The following SIK3 variants were observed in gnomAD, a reference collection of about 807,000 sequenced individuals.
SIK3 encodes the protein serine/threonine-protein kinase SIK3.
SIK3 carries 28 observed loss-of-function variants against 144.2 expected under a neutral mutation model. The observed-to-expected ratio is 0.19, with a 90% CI of 0.14 to 0.27. SIK3 has a LOEUF of 0.27. Ranked by LOEUF, SIK3 falls within the 10% of genes least tolerant of loss-of-function variation. SIK3 has a pLI of 1.00. For missense variants in SIK3, 1,319 were observed against 1,776.0 expected (o/e 0.74, Z 4.62); for synonymous variants, 686 against 676.3 (o/e 1.01, Z -0.22).
chr11:117,004,449 G>C (rs1950969548), intron 1 of SIK3, among the ~76,000 whole-genome samples: 1 of 152,090 alleles, frequency 6.6e-6, no homozygotes, highest in African/African-American at 2.4e-5. Flanking sequence ...CCAGAAGGTC[G>C]AGGCTGCAGT....
chr11:117,035,610 A>C (rs1952458788), intron 1 of SIK3, among the ~76,000 whole-genome samples: 1 of 152,226 alleles, frequency 6.6e-6, no homozygotes, highest in African/African-American at 2.4e-5. Flanking sequence ...GCTGGAATGC[A>C]GTGATGTGAT....
chr11:116,981,702 C>CTT (rs568501961), intron 1 of SIK3, among the ~76,000 whole-genome samples: 6 of 152,128 alleles, frequency 3.9e-5, no homozygotes, highest in Non-Finnish European at 7.3e-5. Flanking sequence ...TATTAAAAGT[C>CTT]TTTAAGGCCT....
At chr11:117,037,237 T>C (rs1248934589) in intron 1 of SIK3, among the ~76,000 whole-genome samples, 1 of 152,164 alleles carries the variant, frequency 6.6e-6, no homozygotes, top group African/African-American at 2.4e-5. Flanking sequence ...ATCTAAAAGA[T>C]TCTGAGAGTT....
At position 116,882,377 on chromosome 11, in the gene SIK3, C is replaced by T. The variant is rs151139277; in HGVS notation, c.866-5335G>A. The stretch of plus-strand genomic sequence containing the variant: ...GGAAGGCTTGAAACAGAAGGCTTCC[C>T]GAATCAAGGATCAAAGATAAGAGGA... On this transcript the variant is annotated intron_variant, in intron 6 of 24. Coordinates refer to ENST00000445177, the MANE Select transcript of SIK3 (RefSeq NM_001366686.3). Among the ~76,000 whole-genome samples the T allele has an allele frequency of 3.9e-4, 60 of 152,080 alleles. No homozygotes were observed. In the East Asian group the frequency reaches 0.011, roughly 27 times the overall value.
chr11:116,857,727 T>TA (rs1565366079), intron 21 of SIK3, 83 bp downstream of exon 21: 3 of 1,516,272 alleles, frequency 2.0e-6, no homozygotes, highest in Non-Finnish European at 2.6e-6. Flanking sequence ...GAACACAGAA[T>TA]ACTAGCTGAA....
intron 20 of SIK3, 56 bp downstream of exon 20, chr11:116,859,209 C>T: frequency 6.6e-7 from 1 of 1,510,610 alleles, no homozygotes; most frequent in South Asian, 1.3e-5. Context: ...TGCTAAGGGG[C>T]TTCCTCCCAC....
chr11:116,952,996 A>G (rs375940102), intron 3 of SIK3, among the ~76,000 whole-genome samples: 1 of 152,290 alleles, frequency 6.6e-6, no homozygotes, highest in East Asian at 1.9e-4. Flanking sequence ...AATTAAATAT[A>G]AAATTAAGAA....
At chr11:116,961,256 C>A (rs1313604065) in intron 1 of SIK3, among the ~76,000 whole-genome samples, 2 of 152,210 alleles carry the variant, frequency 1.3e-5, no homozygotes, top group Admixed American at 6.5e-5. Flanking sequence ...AATGGCATAA[C>A]TGCCTGATAA....
At chr11:116,896,179 TA>T (rs1388977057) in intron 6 of SIK3, 73 bp downstream of exon 6, 1 of 1,585,024 alleles carries the variant, frequency 6.3e-7, no homozygotes, top group Non-Finnish European at 8.6e-7. Context: ...ACTCCATCAC[TA>T]AATTCCTGGG....
chr11:116,875,623 C>G lies in SIK3; in HGVS notation c.1240-172G>C, dbSNP rs573183885. 5.0e-6 allele frequency: 4 copies of G among 796,848 alleles called. No homozygotes were observed. In the African/African-American group the frequency reaches 7.0e-5, roughly 14 times the overall value. The allele number at this position is 796,848 out of a possible 1,614,324, so 49.4% of individuals were successfully genotyped here. A position where few individuals can be genotyped will look rare whatever the true frequency, so the allele number is the denominator to read the frequency against. On this transcript the variant is annotated intron_variant, in intron 9 of 24. Transcript: ENST00000445177. ...AAGCATCCTGTGAAGAGGATAGCAT[C>G]GCCTCATGATTTGCTATTTCTTCAA... is the stretch of plus-strand genomic sequence containing the variant.
chr11:116,858,759 C>T lies in SIK3; in HGVS notation c.2766-60G>A, dbSNP rs1943140075. On this transcript the variant is annotated intron_variant, in intron 20 of 24. Transcript: ENST00000445177. The surrounding 1 kb of genome is among the most constrained non-coding windows in gnomAD (Gnocchi z 5.4). Reference sequence around the variant, plus strand: ...TAACAAGTACTAGACTTCCTGGGAACAGCTCCTCCTCCTCAGTAGGGAGAA... The same window carrying T: ...TAACAAGTACTAGACTTCCTGGGAATAGCTCCTCCTCCTCAGTAGGGAGAA... The T allele has an allele frequency of 9.3e-6, 14 of 1,510,358 alleles. No individual in the cohort carries two copies. Among genetic ancestry groups the T allele is most frequent in the Non-Finnish European group, 1.2e-5 (14 of 1,130,386 alleles). 93.6% of individuals were successfully genotyped at this position (1,510,358 alleles called of 1,614,324 possible). A position where few individuals can be genotyped will look rare whatever the true frequency, so the allele number is the denominator to read the frequency against.
chr11:116,870,179 T>G (rs1304444737), intron 14 of SIK3, 152 bp downstream of exon 14: 2 of 1,540,676 alleles, frequency 1.3e-6, no homozygotes, highest in South Asian at 2.4e-5. Flanking sequence ...GTTACTTCCA[T>G]GTGGGGTGGA....
chr11:116,955,878 G>T (rs1449800265), intron 2 of SIK3, among the ~76,000 whole-genome samples: 1 of 151,594 alleles, frequency 6.6e-6, no homozygotes, highest in Non-Finnish European at 1.5e-5. Flanking sequence ...CTCTAACGCT[G>T]TAGTTTTAAC....
chr11:117,072,271 C>T (rs1264810061), intron 1 of SIK3, among the ~76,000 whole-genome samples: 1 of 151,958 alleles, frequency 6.6e-6, no homozygotes, highest in African/African-American at 2.4e-5. Context: ...GCCTGTAATC[C>T]CAGCTACCAG....
At chr11:117,021,008 G>A (rs1208567598) in intron 1 of SIK3, among the ~76,000 whole-genome samples, 5 of 152,302 alleles carry the variant, frequency 3.3e-5, no homozygotes, top group Admixed American at 1.3e-4. Flanking sequence ...GAGATCTGAC[G>A]CTATCTCCAG....
At chr11:116,952,487 C>A (rs1948978996) in intron 3 of SIK3, among the ~76,000 whole-genome samples, 1 of 152,236 alleles carries the variant, frequency 6.6e-6, no homozygotes, top group Admixed American at 6.5e-5. Flanking sequence ...TTTATCATAA[C>A]ATGTGCCTGG....
chr11:116,948,155 C>G (rs1481002059), intron 3 of SIK3, among the ~76,000 whole-genome samples: 1 of 151,426 alleles, frequency 6.6e-6, no homozygotes. Flanking sequence ...CCAGGCTGGT[C>G]TTGAACTCCT....
chr11:116,901,628 T>C (rs1945744763), intron 4 of SIK3, among the ~76,000 whole-genome samples: 2 of 152,230 alleles, frequency 1.3e-5, no homozygotes, highest in Admixed American at 1.3e-4. Flanking sequence ...CCTTTATTAT[T>C]TGAATACATA....
intron 15 of SIK3, 89 bp from the exon 16 acceptor site, chr11:116,863,907 G>C: frequency 7.3e-7 from 1 of 1,372,734 alleles, no homozygotes; most frequent in Non-Finnish European, 9.9e-7. Context: ...TGAACATAAA[G>C]ACGGCTGGCT....
Sources: gnomAD v4.1 joint callset for allele counts (sites outside exome capture counted in the v4.1 genomes callset) on GRCh38, gnomAD v4.1.1 for gene constraint, Gnocchi (gnomAD v3.1) non-coding constraint, MANE v1.5 for transcripts, NCBI Gene and HGNC (gene_info 2026-07-23, HGNC 2026-07-21) for gene names.